Variants in NUP98 observed in about 807,000 individuals in gnomAD.
The protein encoded by NUP98 is nucleoporin 98 and 96 precursor, also known as nuclear pore complex protein Nup98-Nup96.
A neutral mutation model predicts 191.9 loss-of-function variants in NUP98; 26 were observed. The observed-to-expected ratio is 0.14, with a 90% CI of 0.10 to 0.19. The LOEUF (loss-of-function observed/expected upper bound fraction) is 0.19, where lower values mean the gene tolerates loss of function less well. NUP98 is among the 10% of genes least tolerant of loss of function. NUP98 has a pLI of 1.00. For synonymous variants in NUP98, 808 were observed against 778.4 expected, an observed-to-expected ratio of 1.04 and a Z score of -0.63; for missense variants, 1,941 against 2,178.8, an observed-to-expected ratio of 0.89 and a Z score of 2.17.
chr11:3,717,550 A>G (rs1017097206), intron 18 of NUP98, among the ~76,000 whole-genome samples: 1 of 152,152 alleles, frequency 6.6e-6, no homozygotes, highest in Non-Finnish European at 1.5e-5. Context: ...AACTTTGTTG[A>G]ATTTGTTTAT....
chr11:3,720,975 A>AGTGTGTGTGTGTGGGT (rs2079373047), intron 16 of NUP98, 150 bp from the exon 17 acceptor site: 1 of 323,536 alleles, frequency 3.1e-6, no homozygotes, highest in African/African-American at 2.3e-5. Context: ...GGGGTGTGTG[A>AGTGTGTGTGTGTGGGT]GTGTGTGTGT....
intron 16 of NUP98, 125 bp from the exon 17 acceptor site, chr11:3,720,950 T>G: frequency 1.8e-6 from 1 of 563,692 alleles, no homozygotes; most frequent in Non-Finnish European, 3.1e-6. Flanking sequence ...CTACCAAACA[T>G]GATTCCTAGG....
chr11:3,682,612 C>T (rs1159009697), intron 30 of NUP98, among the ~76,000 whole-genome samples: 1 of 152,126 alleles, frequency 6.6e-6, no homozygotes, highest in African/African-American at 2.4e-5. Flanking sequence ...GTTGGTGGCA[C>T]CCCAAAACAA....
intron 14 of NUP98, among the ~76,000 whole-genome samples, chr11:3,729,389 G>C (rs2079744935): frequency 6.6e-6 from 1 of 151,616 alleles, no homozygotes; most frequent in African/African-American, 2.4e-5. Flanking sequence ...GGAGGGACAA[G>C]ATCAACTGCG....
At chr11:3,752,875 T>C (rs1188080898) in intron 11 of NUP98, among the ~76,000 whole-genome samples, 1 of 152,216 alleles carries the variant, frequency 6.6e-6, no homozygotes, top group Non-Finnish European at 1.5e-5. Context: ...GACACTGGTC[T>C]ATATGACAAT....
At chr11:3,755,919 C>T (rs61877604) in intron 10 of NUP98, among the ~76,000 whole-genome samples, 7,669 of 152,166 alleles carry the variant, frequency 0.05, 253 homozygotes, top group Middle Eastern at 0.099. Context: ...GCCAAAATCA[C>T]GCCACTGCAC....
intron 11 of NUP98, among the ~76,000 whole-genome samples, chr11:3,748,048 T>C (rs61877597): frequency 0.05 from 7,674 of 152,316 alleles, 255 homozygotes; most frequent in Middle Eastern, 0.099. Context: ...GAGAGGCATG[T>C]ATAAGGAATA....
rs377391781 is a variant in NUP98 at position 3,705,356 on chromosome 11, T to C, written c.2926A>G (p.Ile976Val). 60 of 1,613,758 alleles carry C rather than the reference T, an allele frequency of 3.7e-5. No homozygotes were observed. Among genetic ancestry groups the C allele is most frequent in the Non-Finnish European group, 4.9e-5 (58 of 1,179,920 alleles). The change falls in exon 22 of 33, where the codon ATC (isoleucine) becomes GTC (valine). Residue 976 changes from isoleucine (I) to valine (V), a missense_variant and splice_region_variant. Physicochemically the swap from Ile to Val is conservative, Grantham distance 29. Around this residue, in one of 6 missense-constraint regions of NUP98, gnomAD observed 1,030 missense variants for 1,115.8 expected, o/e 0.92. Coordinates refer to ENST00000324932, the MANE Select transcript of NUP98 (RefSeq NM_016320.5). Reference sequence around the variant, plus strand: ...TCAGTAAGCAATGATGCTTTCATGATCTAAAAAGGCAATATCTATAGAATG... The same window carrying C: ...TCAGTAAGCAATGATGCTTTCATGACCTAAAAAGGCAATATCTATAGAATG... Reference protein sequence around the residue: ...SLGINPHVLQIMKASLLTDEE... With the variant: ...SLGINPHVLQVMKASLLTDEE...
intron 27 of NUP98, 164 bp downstream of exon 27, chr11:3,693,068 A>C: frequency 1.5e-6 from 1 of 651,336 alleles, no homozygotes; most frequent in Non-Finnish European, 2.6e-6. Flanking sequence ...CAACTGTGGA[A>C]TCTCATGATA....
At chr11:3,687,783 C>T (rs1023050759) in intron 28 of NUP98, among the ~76,000 whole-genome samples, 5 of 152,150 alleles carry the variant, frequency 3.3e-5, no homozygotes, top group African/African-American at 4.8e-5. Flanking sequence ...GACTTTAGGC[C>T]GGGTGCGGTG....
intron 1 of NUP98, among the ~76,000 whole-genome samples, chr11:3,787,539 T>A (rs1192090307): frequency 6.6e-6 from 1 of 150,582 alleles, no homozygotes; most frequent in African/African-American, 2.4e-5. Flanking sequence ...GCCAAGATCA[T>A]TCCAGCCTGG....
chr11:3,784,145 C>G (rs2082064107), intron 1 of NUP98, among the ~76,000 whole-genome samples: 1 of 152,162 alleles, frequency 6.6e-6, no homozygotes, highest in South Asian at 2.1e-4. Flanking sequence ...CTAGGAAACT[C>G]AGGCCGTGTT....
At chr11:3,789,744 T>G (rs2082272593) in intron 1 of NUP98, among the ~76,000 whole-genome samples, 1 of 152,026 alleles carries the variant, frequency 6.6e-6, no homozygotes, top group Non-Finnish European at 1.5e-5. Context: ...GTGCAGGGAT[T>G]ATAGGTGAGC....
chr11:3,738,776 C>CAAAAA (rs58460963), intron 12 of NUP98, among the ~76,000 whole-genome samples: 4 of 67,216 alleles, frequency 6.0e-5, no homozygotes, highest in African/African-American at 6.2e-5. Flanking sequence ...AGACTCCTCT[C>CAAAAA]AAAAAAAAAA....
intron 15 of NUP98, 74 bp downstream of exon 15, chr11:3,725,029 A>T: frequency 1.5e-6 from 1 of 682,422 alleles, no homozygotes; most frequent in Non-Finnish European, 2.5e-6. Context: ...AAATTTTCAT[A>T]AATTCCTAAG....
intron 11 of NUP98, among the ~76,000 whole-genome samples, chr11:3,745,444 C>T (rs1221642231): frequency 1.3e-5 from 2 of 152,130 alleles, no homozygotes; most frequent in East Asian, 3.9e-4. Context: ...AGAGGAAAAC[C>T]CATTGTAGAA....
chr11:3,752,987 C>A (rs1198995162), intron 11 of NUP98, among the ~76,000 whole-genome samples: 1 of 152,156 alleles, frequency 6.6e-6, no homozygotes, highest in Non-Finnish European at 1.5e-5. Flanking sequence ...AGTTTAAGGT[C>A]TCAAATCCCT....
In NUP98 at chr11:3,779,211, T is replaced by C. The variant is rs755160941; in HGVS notation, c.123A>G (p.Ala41=). The change falls in exon 3 of 33, where the codon GCA becomes GCG. Residue 41 remains alanine (A), a synonymous_variant. Transcript: ENST00000324932. ...CTCCAGTATTGTTGCTAGAACCAAA[T>C]GCAGATGTTCCAAATGCCCCTCCAC... is the stretch of plus-strand genomic sequence containing the variant. The part of the protein sequence containing the change: ...TTSGGAFGTS[A]FGSSNNTGGL... 7.4e-6 allele frequency: 12 copies of C among 1,614,106 alleles called. No homozygotes were observed. Among genetic ancestry groups the C allele is most frequent in the Non-Finnish European group, 1.0e-5 (12 of 1,180,044 alleles).
intron 11 of NUP98, among the ~76,000 whole-genome samples, chr11:3,752,745 T>C (rs974612765): frequency 5.3e-4 from 80 of 152,290 alleles, no homozygotes; most frequent in Admixed American, 5.0e-3. Flanking sequence ...AAAACACTTA[T>C]ATATTTTATG....
Sources: gnomAD v4.1 joint callset for allele counts (sites outside exome capture counted in the v4.1 genomes callset) on GRCh38, gnomAD v4.1.1 for gene constraint, gnomAD v4.1.1 regional missense constraint, MANE v1.5 for transcripts, NCBI Gene and HGNC (gene_info 2026-07-23, HGNC 2026-07-21) for gene names.